The following BRINP1 variants were observed in gnomAD, a reference collection of about 807,000 sequenced individuals.
BRINP1 encodes the protein BMP/retinoic acid inducible neural specific 1.
In BRINP1, 17 loss-of-function variants were observed where a neutral mutation model predicts 72.9. That is an observed-to-expected ratio of 0.23 (90% CI 0.16 to 0.35). BRINP1 has a LOEUF of 0.35. BRINP1 is among the 10% of genes least tolerant of loss of function. The probability of loss-of-function intolerance (pLI) is 1.00; values close to 1 mark genes in which losing one functional copy is unlikely to be tolerated. For synonymous variants in BRINP1, 418 were observed against 378.5 expected, an observed-to-expected ratio of 1.10 and a Z score of -1.21; for missense variants, 850 against 1,001.6, an observed-to-expected ratio of 0.85 and a Z score of 2.04.
chr9:119,220,774 A>G (rs1292349030), intron 5 of BRINP1, among the ~76,000 whole-genome samples: 1 of 152,192 alleles, frequency 6.6e-6, no homozygotes, highest in East Asian at 1.9e-4. Context: ...ATAGGCCTGG[A>G]AATAATGAAT....
intron 7 of BRINP1, among the ~76,000 whole-genome samples, chr9:119,181,281 T>A (rs1829553998): frequency 6.6e-6 from 1 of 152,166 alleles, no homozygotes; most frequent in Non-Finnish European, 1.5e-5. Flanking sequence ...CAGGGTCTAG[T>A]GGGCCTTAAC....
chr9:119,322,079 A>G (rs1209075179), intron 1 of BRINP1, among the ~76,000 whole-genome samples: 1 of 152,188 alleles, frequency 6.6e-6, no homozygotes, highest in Non-Finnish European at 1.5e-5. Context: ...TACACCGGAA[A>G]TATACATTTC....
At chr9:119,351,026 C>T (rs1316798217) in intron 1 of BRINP1, among the ~76,000 whole-genome samples, 1 of 151,806 alleles carries the variant, frequency 6.6e-6, no homozygotes, top group East Asian at 1.9e-4. Context: ...TGTTTTAAGC[C>T]CCACATGTAT....
At chr9:119,335,510 C>T (rs1831338214) in intron 1 of BRINP1, among the ~76,000 whole-genome samples, 2 of 152,170 alleles carry the variant, frequency 1.3e-5, no homozygotes, top group South Asian at 4.1e-4. Context: ...GATACCTTTC[C>T]AATATCAGTG....
chr9:119,350,050 G>A (rs1265873002), intron 1 of BRINP1, among the ~76,000 whole-genome samples: 2 of 152,132 alleles, frequency 1.3e-5, no homozygotes, highest in South Asian at 2.1e-4. Context: ...AAACGGACAT[G>A]TTTGGGTGCT....
intron 1 of BRINP1, among the ~76,000 whole-genome samples, chr9:119,330,678 C>A (rs1831290373): frequency 6.6e-6 from 1 of 152,156 alleles, no homozygotes; most frequent in Non-Finnish European, 1.5e-5. Context: ...AACTGGCATG[C>A]AATAAATGTG....
intron 2 of BRINP1, among the ~76,000 whole-genome samples, chr9:119,298,231 G>T (rs945476782): frequency 2.0e-5 from 3 of 152,192 alleles, no homozygotes; most frequent in Admixed American, 1.3e-4. Flanking sequence ...CGTCCCTCAT[G>T]CCTGTAAACA....
chr9:119,208,122 A>G (rs1481279117), intron 7 of BRINP1, among the ~76,000 whole-genome samples: 3 of 152,120 alleles, frequency 2.0e-5, no homozygotes, highest in African/African-American at 4.8e-5. Context: ...CTAGCAGAAT[A>G]CCCGGTATAT....
chr9:119,252,775 A>T (rs1368935855), intron 2 of BRINP1, among the ~76,000 whole-genome samples: 1 of 152,158 alleles, frequency 6.6e-6, no homozygotes, highest in African/African-American at 2.4e-5. Context: ...CGAGAGGTAG[A>T]ATATAAAAGC....
Position 119,264,836 on chromosome 9 carries a change from A to AT in BRINP1, c.219-15687dup, listed in dbSNP as rs569547350. On this transcript the variant is annotated intron_variant, in intron 2 of 7. Coordinates refer to ENST00000265922, the MANE Select transcript of BRINP1 (RefSeq NM_014618.3). ...AGGCACCCGCCACCATGCCAGGCTA[A>AT]TTTTTTTTGTATTTTTAGTAGAGAC... Among the ~76,000 whole-genome samples, 636 of 151,866 alleles carry AT rather than the reference A, an allele frequency of 4.2e-3. 5 individuals are homozygous for AT. Among genetic ancestry groups the AT allele is most frequent in the African/African-American group, 0.014 (597 of 41,426 alleles).
intron 5 of BRINP1, among the ~76,000 whole-genome samples, chr9:119,228,735 T>C (rs1004469557): frequency 7.9e-5 from 12 of 152,010 alleles, no homozygotes; most frequent in Admixed American, 7.9e-4. Flanking sequence ...TCTGCGTGAT[T>C]GCGCGTGTTG....
rs1831726175 is a variant in BRINP1, at chr9:119,369,009, T to A, written c.-51+47A>T. ...GCCCCGAATGCGGCCCGGGGCCGGGTCCAAGGGCAGCGGGGCTGCGGGGCG... is the reference window on the plus strand; with the variant it reads ...GCCCCGAATGCGGCCCGGGGCCGGGACCAAGGGCAGCGGGGCTGCGGGGCG... On this transcript the variant is annotated intron_variant, in intron 1 of 7. Coordinates refer to ENST00000265922, the MANE Select transcript of BRINP1 (RefSeq NM_014618.3). 5.1e-6 allele frequency: 2 copies of A among 392,860 alleles called. 1 individual carries two copies. Among genetic ancestry groups the A allele is most frequent in the South Asian group, 2.9e-4 (2 of 7,010 alleles). 24.3% of individuals were successfully genotyped at this position (392,860 alleles called of 1,614,324 possible).
In BRINP1 at chr9:119,368,856, T is replaced by A. The variant is rs1831723173; in HGVS notation, c.-51+200A>T. ...ACACGCCACTCACTCAAACCCGCAATTAGCCCTTTGAGCCCCAGGCACAGG... is the reference window on the plus strand; with the variant it reads ...ACACGCCACTCACTCAAACCCGCAAATAGCCCTTTGAGCCCCAGGCACAGG... On this transcript the variant is annotated intron_variant, in intron 1 of 7. Coordinates refer to ENST00000265922, the MANE Select transcript of BRINP1 (RefSeq NM_014618.3). This position sits in a 1 kb window ranked among gnomAD's most constrained non-coding sequence, Gnocchi z 4.7. 6.6e-6 allele frequency among the ~76,000 whole-genome samples: 1 copy of A among 151,834 alleles called. No individual in the cohort carries two copies. Among genetic ancestry groups the A allele is most frequent in the Admixed American group, 6.6e-5 (1 of 15,266 alleles).
At chr9:119,280,979 C>A (rs1362667343) in intron 2 of BRINP1, among the ~76,000 whole-genome samples, 2 of 152,074 alleles carry the variant, frequency 1.3e-5, no homozygotes, top group Non-Finnish European at 2.9e-5. Context: ...TTTGATTTTG[C>A]CCAATGTGCC....
At chr9:119,195,796 C>T (rs868824096) in intron 7 of BRINP1, among the ~76,000 whole-genome samples, 2 of 152,150 alleles carry the variant, frequency 1.3e-5, no homozygotes, top group African/African-American at 4.8e-5. Flanking sequence ...TGAAAGATGA[C>T]GATCTCTACT....
At chr9:119,366,029 C>T (rs1199771591) in intron 1 of BRINP1, among the ~76,000 whole-genome samples, 3 of 152,168 alleles carry the variant, frequency 2.0e-5, no homozygotes, top group African/African-American at 7.2e-5. Context: ...CTCTCTTTCA[C>T]AGGGCTTTAC....
At chr9:119,208,965 G>C in intron 6 of BRINP1, 24 bp from the exon 7 acceptor site, 1 of 1,589,364 alleles carries the variant, frequency 6.3e-7, no homozygotes. Flanking sequence ...AAGGCCGAGA[G>C]AGAAGGGCTA....
intron 1 of BRINP1, among the ~76,000 whole-genome samples, chr9:119,350,005 G>A (rs1831490971): frequency 6.6e-6 from 1 of 152,016 alleles, no homozygotes; most frequent in African/African-American, 2.4e-5. Flanking sequence ...AGATCTAGAT[G>A]CACAGTTCAC....
At chr9:119,240,449 C>G (rs1830235429) in intron 4 of BRINP1, among the ~76,000 whole-genome samples, 1 of 152,134 alleles carries the variant, frequency 6.6e-6, no homozygotes, top group Non-Finnish European at 1.5e-5. Context: ...TGAGAAATTC[C>G]TCCTATGGAG....
Sources: gnomAD v4.1 joint callset for allele counts (sites outside exome capture counted in the v4.1 genomes callset) on GRCh38, gnomAD v4.1.1 for gene constraint, Gnocchi (gnomAD v3.1) non-coding constraint, MANE v1.5 for transcripts, NCBI Gene and HGNC (gene_info 2026-07-23, HGNC 2026-07-21) for gene names.